The following EHMT1 variants were observed in gnomAD, a reference collection of about 807,000 sequenced individuals.
The protein encoded by EHMT1 is histone-lysine N-methyltransferase EHMT1.
EHMT1 carries 15 observed loss-of-function variants against 147.2 expected under a neutral mutation model. The ratio of observed to expected loss-of-function variants is 0.10; its 90% CI spans 0.07 to 0.16. EHMT1 has a LOEUF of 0.16. EHMT1 is among the 10% of genes least tolerant of loss of function. EHMT1 has a pLI of 1.00. For missense variants in EHMT1, 1,587 were observed against 1,772.4 expected, an observed-to-expected ratio of 0.90 and a Z score of 1.88; for synonymous variants, 795 against 709.6, an observed-to-expected ratio of 1.12 and a Z score of -1.91.
At position 137,776,791 on chromosome 9, in the gene EHMT1, C is replaced by T. The variant is rs374533940; in HGVS notation, c.1965C>T (p.Pro655=). 6.5e-5 allele frequency: 105 copies of T among 1,614,002 alleles called. 1 individual carries two copies. In the South Asian group the frequency reaches 1.1e-3, roughly 17 times the overall value. Reference sequence around the variant, plus strand: ...CCACCTCGACCGTGACACCAGTCCCCGGGCAGGAGAAGGGCTCGGCCCTGG... The same window carrying T: ...CCACCTCGACCGTGACACCAGTCCCTGGGCAGGAGAAGGGCTCGGCCCTGG... ...ADTTSTVTPV[P]GQEKGSALEG... is the part of the protein sequence containing the mutation. Residue 655 remains proline, a synonymous_variant, in exon 12 of 27, where the codon CCC becomes CCT. Transcript: ENST00000460843. The surrounding 1 kb of genome is among the most constrained non-coding windows in gnomAD (Gnocchi z 4.4).
chr9:137,784,366 C>T, intron 15 of EHMT1: 1 of 1,269,366 alleles, frequency 7.9e-7, no homozygotes. Context: ...GCCCCCAGCC[C>T]CGGTAAATAA....
chr9:137,810,470 C>T (rs190250039), intron 18 of EHMT1, among the ~76,000 whole-genome samples: 1 of 152,186 alleles, frequency 6.6e-6, no homozygotes, highest in Non-Finnish European at 1.5e-5. Flanking sequence ...CTTCATTGTT[C>T]TGATTTATAT....
At chr9:137,769,440 C>T (rs1002514931) in intron 10 of EHMT1, among the ~76,000 whole-genome samples, 9 of 152,168 alleles carry the variant, frequency 5.9e-5, no homozygotes, top group African/African-American at 1.9e-4. Context: ...TGAATTCTCT[C>T]AGCTTTTGTT....
chr9:137,643,337 G>A (rs917499251), intron 1 of EHMT1, among the ~76,000 whole-genome samples: 1 of 111,874 alleles, frequency 8.9e-6, no homozygotes, highest in African/African-American at 3.6e-5. Flanking sequence ...GTGTATAAAG[G>A]TTTTTTTTTT....
chr9:137,672,254 T>G (rs1242381616), intron 1 of EHMT1, among the ~76,000 whole-genome samples: 1 of 152,238 alleles, frequency 6.6e-6, no homozygotes, highest in African/African-American at 2.4e-5. Flanking sequence ...ATAAAGTGTT[T>G]TATGTTAACG....
rs112878891 is a variant in EHMT1 at position 137,822,895 on chromosome 9, G to GAA, written c.3540+4770_3540+4771dup. Reference sequence around the variant, plus strand: ...GGCAACAAGAGCAAAACTTCATCTCGAAAAAAAAAAAAAAGCCTGTTTTTT... The same window carrying GAA: ...GGCAACAAGAGCAAAACTTCATCTCGAAAAAAAAAAAAAAAAGCCTGTTTTTT... On this transcript the variant is annotated intron_variant, in intron 25 of 26. Coordinates refer to ENST00000460843, the MANE Select transcript of EHMT1 (RefSeq NM_024757.5). Among the ~76,000 whole-genome samples the GAA allele has an allele frequency of 1.8e-3, 228 of 128,106 alleles. 2 individuals are homozygous for GAA. Among genetic ancestry groups the GAA allele is most frequent in the African/African-American group, 6.1e-3 (214 of 34,920 alleles). 84.0% of individuals were successfully genotyped at this position (128,106 alleles called of 152,430 possible). A position where few individuals can be genotyped will look rare whatever the true frequency, so the allele number is the denominator to read the frequency against.
chr9:137,758,431 G>A (rs1949550480), intron 9 of EHMT1, among the ~76,000 whole-genome samples: 3 of 152,242 alleles, frequency 2.0e-5, no homozygotes, highest in Non-Finnish European at 4.4e-5. Context: ...CATACGTTCT[G>A]TAATGGAATA....
rs182937675 is a variant in EHMT1 at position 137,752,203 on chromosome 9, G to A, written c.1171-128G>A. ...CAGGCCGGCGGCGCCCCCGCCCCGC[G>A]AGCGTCTCCGGCGTGTGCGGCCAGT... On this transcript the variant is annotated intron_variant, in intron 6 of 26. Transcript: ENST00000460843. The A allele has an allele frequency of 1.5e-4, 179 of 1,160,954 alleles. No homozygotes were observed. In the African/African-American group the frequency reaches 1.9e-3, roughly 12 times the overall value. The allele number at this position is 1,160,954 out of a possible 1,614,324, so 71.9% of individuals were successfully genotyped here. A position where few individuals can be genotyped will look rare whatever the true frequency, so the allele number is the denominator to read the frequency against.
chr9:137,703,353 T>C (rs1421420367), intron 1 of EHMT1, among the ~76,000 whole-genome samples: 4 of 152,328 alleles, frequency 2.6e-5, no homozygotes, highest in African/African-American at 7.2e-5. Context: ...TCCTACCACA[T>C]GGTCAGGCTG....
chr9:137,704,833 T>A, intron 1 of EHMT1, among the ~76,000 whole-genome samples: 1 of 124,148 alleles, frequency 8.1e-6, no homozygotes, highest in Admixed American at 8.9e-5. Flanking sequence ...TCCTGCCTTC[T>A]TTCTTTCCTT....
At chr9:137,774,305 CAT>C (rs1359880997) in intron 10 of EHMT1, among the ~76,000 whole-genome samples, 4 of 152,286 alleles carry the variant, frequency 2.6e-5, no homozygotes, top group African/African-American at 9.6e-5. Flanking sequence ...GATGTGGGCA[CAT>C]GTGGCCCACT....
At chr9:137,701,608 G>A (rs1334215178) in intron 1 of EHMT1, among the ~76,000 whole-genome samples, 2 of 148,002 alleles carry the variant, frequency 1.4e-5, no homozygotes, top group African/African-American at 5.0e-5. Flanking sequence ...ACAGGTGGGC[G>A]CCACCATGCC....
At chr9:137,821,260 C>T (rs1037055493) in intron 25 of EHMT1, among the ~76,000 whole-genome samples, 1 of 151,538 alleles carries the variant, frequency 6.6e-6, no homozygotes, top group Admixed American at 6.6e-5. Flanking sequence ...ACCTCATGAT[C>T]CACCTGCCTC....
chr9:137,724,833 T>G (rs139189446), intron 3 of EHMT1, among the ~76,000 whole-genome samples: 1 of 147,486 alleles, frequency 6.8e-6, no homozygotes, highest in East Asian at 2.1e-4. Flanking sequence ...TGTGGTAGAC[T>G]TGTGGCATTC....
chr9:137,675,876 C>T (rs547097575), intron 1 of EHMT1, among the ~76,000 whole-genome samples: 218 of 146,610 alleles, frequency 1.5e-3, no homozygotes, highest in Non-Finnish European at 2.3e-3. Flanking sequence ...CTCCGCCTCC[C>T]GGGTTCACGC....
At chr9:137,765,754 C>T (rs868546982) in intron 10 of EHMT1, among the ~76,000 whole-genome samples, 1 of 151,664 alleles carries the variant, frequency 6.6e-6, no homozygotes. Context: ...CCACAACGCC[C>T]ACTTCCAGGG....
intron 25 of EHMT1, chr9:137,823,434 C>CG (rs1955590688): frequency 3.0e-6 from 1 of 336,824 alleles, no homozygotes; most frequent in South Asian, 1.9e-5. Context: ...TTTTTTGAAA[C>CG]GGAGTCTGGC....
intron 3 of EHMT1, among the ~76,000 whole-genome samples, chr9:137,718,545 G>T (rs9314635): frequency 0.49 from 75,167 of 151,980 alleles, 21,214 homozygotes; most frequent in African/African-American, 0.77. Flanking sequence ...CTCTGTATGA[G>T]TTTTCTTCTG....
chr9:137,644,680 C>T (rs1046573224), intron 1 of EHMT1, among the ~76,000 whole-genome samples: 4 of 152,102 alleles, frequency 2.6e-5, no homozygotes, highest in Admixed American at 1.3e-4. Flanking sequence ...AAAAATCATG[C>T]TTAGCTTTCA....
Sources: allele counts gnomAD v4.1 joint callset (sites outside exome capture counted in the v4.1 genomes callset), GRCh38; gene constraint gnomAD v4.1.1; non-coding constraint Gnocchi (gnomAD v3.1); transcripts MANE v1.5; gene names NCBI Gene and HGNC (gene_info 2026-07-23, HGNC 2026-07-21).